The following RYR3 variants were observed in gnomAD, a reference collection of about 807,000 sequenced individuals.
The protein encoded by RYR3 is brain ryanodine receptor-calcium release channel.
A neutral mutation model predicts 584.3 loss-of-function variants in RYR3; 207 were observed. The ratio of observed to expected loss-of-function variants is 0.35; its 90% CI spans 0.32 to 0.40. The LOEUF (loss-of-function observed/expected upper bound fraction) is 0.40, where lower values mean the gene tolerates loss of function less well. Among genes scored for constraint, RYR3 ranks in the 10% least tolerant of loss-of-function variants. The pLI, the probability that RYR3 is intolerant of heterozygous loss-of-function variation, is 1.00. For synonymous variants in RYR3, 2,416 were observed against 2,248.5 expected, an observed-to-expected ratio of 1.07 and a Z score of -2.11; for missense variants, 5,616 against 6,089.2, an observed-to-expected ratio of 0.92 and a Z score of 2.59.
At chr15:33,547,558 A>G (rs2056340243) in intron 8 of RYR3, among the ~76,000 whole-genome samples, 1 of 152,204 alleles carries the variant, frequency 6.6e-6, no homozygotes, top group African/African-American at 2.4e-5. Flanking sequence ...TTCTAAAATA[A>G]AAATTTTATT....
intron 1 of RYR3, among the ~76,000 whole-genome samples, chr15:33,373,345 C>T (rs1294006616): frequency 1.3e-5 from 2 of 152,206 alleles, no homozygotes; most frequent in African/African-American, 2.4e-5. Context: ...TCCTAATTCA[C>T]CTACCAGATG....
At chr15:33,859,780 T>G (rs2080132655) in intron 100 of RYR3, 49 bp downstream of exon 100, 1 of 1,536,580 alleles carries the variant, frequency 6.5e-7, no homozygotes, top group Non-Finnish European at 8.8e-7. Flanking sequence ...ATCTAGTTCT[T>G]TTTGCTTTCT....
intron 1 of RYR3, among the ~76,000 whole-genome samples, chr15:33,335,052 A>C (rs983276015): frequency 5.3e-5 from 8 of 152,236 alleles, no homozygotes; most frequent in African/African-American, 1.9e-4. Context: ...GGTTGTGAAG[A>C]AAAAGGAACA....
intron 2 of RYR3, among the ~76,000 whole-genome samples, chr15:33,495,904 G>A (rs561441832): frequency 2.0e-5 from 3 of 152,258 alleles, no homozygotes; most frequent in South Asian, 2.1e-4. Context: ...ATGTGTTATC[G>A]ATAATTGATT....
chr15:33,488,905 T>G (rs1363860978), intron 2 of RYR3, among the ~76,000 whole-genome samples: 2 of 152,158 alleles, frequency 1.3e-5, no homozygotes, highest in Non-Finnish European at 2.9e-5. Context: ...TCTGTCATCT[T>G]GATTCTTCAT....
At chr15:33,605,658 A>G (rs2059869842) in intron 18 of RYR3, among the ~76,000 whole-genome samples, 1 of 152,230 alleles carries the variant, frequency 6.6e-6, no homozygotes, top group African/African-American at 2.4e-5. Flanking sequence ...GGGTCTGGGC[A>G]TCATTCTGAC....
At chr15:33,632,763 A>T (rs780972104) in intron 23 of RYR3, among the ~76,000 whole-genome samples, 186 bp from the exon 24 acceptor site, 1 of 152,158 alleles carries the variant, frequency 6.6e-6, no homozygotes, top group Non-Finnish European at 1.5e-5. Flanking sequence ...GGGAAGAAGG[A>T]TGGTAGATTG....
At position 33,757,605 on chromosome 15, in the gene RYR3, A is replaced by C; in HGVS notation, c.8705+9A>C. 6.2e-7 allele frequency: 1 copy of C among 1,608,390 alleles called. No homozygotes were observed. Among genetic ancestry groups the C allele is most frequent in the Non-Finnish European group, 8.5e-7 (1 of 1,177,586 alleles). On this transcript the variant is annotated intron_variant, in intron 60 of 103. Transcript: ENST00000634891. Reference sequence around the variant, plus strand: ...AAAGAAATGGTGGCCGGGTGAGTCTACAAGATAAAGGGAAGGTGATGGTGC... The same window carrying C: ...AAAGAAATGGTGGCCGGGTGAGTCTCCAAGATAAAGGGAAGGTGATGGTGC...
Position 33,755,089 on chromosome 15 carries a change from T to C in RYR3, c.8424T>C (p.Asp2808=). The C allele has an allele frequency of 6.2e-7, 1 of 1,610,910 alleles. No homozygotes were observed. Among genetic ancestry groups the C allele is most frequent in the Non-Finnish European group, 8.5e-7 (1 of 1,177,498 alleles). The change falls in exon 58 of 104, where the codon GAT becomes GAC. Residue 2808 remains aspartate, a synonymous_variant. Transcript: ENST00000634891. ...GGGGTATGAAGGATATGGAGCTGGA[T>C]GCCTCCTCCATGGAGAAGAGGTTTG... is the stretch of plus-strand genomic sequence containing the variant. ...VSRGMKDMEL[D]ASSMEKRFAY...
chr15:33,522,783 A>T (rs549710575), intron 3 of RYR3, among the ~76,000 whole-genome samples: 1 of 152,200 alleles, frequency 6.6e-6, no homozygotes, highest in East Asian at 1.9e-4. Context: ...CTGTTGCCTC[A>T]TTCTCTGGCT....
At position 33,697,821 on chromosome 15, in the gene RYR3, C is replaced by G; in HGVS notation, c.6135-61C>G. 4.7e-6 allele frequency: 5 copies of G among 1,056,536 alleles called. No homozygotes were observed. The South Asian group carries it at 6.4e-5, about 14-fold the overall frequency. The allele number at this position is 1,056,536 out of a possible 1,614,324, so 65.4% of individuals were successfully genotyped here. A position where few individuals can be genotyped will look rare whatever the true frequency, so the allele number is the denominator to read the frequency against. On this transcript the variant is annotated intron_variant, in intron 39 of 103. Coordinates refer to ENST00000634891, the MANE Select transcript of RYR3 (RefSeq NM_001036.6). ...CTCGTGTGTTTGTGTGTTCTCATCC[C>G]TGAATTTTCATAGCATATAAATAAG...
chr15:33,495,793 G>A (rs1005667774), intron 2 of RYR3, among the ~76,000 whole-genome samples: 6 of 152,170 alleles, frequency 3.9e-5, no homozygotes, highest in African/African-American at 1.2e-4. Context: ...GGCTTAAAAA[G>A]CATTTAACTG....
intron 65 of RYR3, among the ~76,000 whole-genome samples, chr15:33,781,863 G>A (rs912829688): frequency 1.3e-5 from 2 of 151,686 alleles, no homozygotes; most frequent in African/African-American, 2.4e-5. Context: ...AAAAAAAGGG[G>A]GGGGGGATTT....
intron 27 of RYR3, 114 bp downstream of exon 27, chr15:33,636,664 T>A: frequency 1.1e-6 from 1 of 940,302 alleles, no homozygotes; most frequent in Non-Finnish European, 1.6e-6. Context: ...TTTGCATATT[T>A]GAAAACCCTA....
chr15:33,471,590 T>G (rs1316459571), intron 1 of RYR3, among the ~76,000 whole-genome samples: 1 of 77,276 alleles, frequency 1.3e-5, no homozygotes, highest in African/African-American at 7.1e-5. Context: ...CTTTCATGCC[T>G]TTGTAAAAAA....
In RYR3 at chr15:33,554,041, C is replaced by T. The variant is rs569842170; in HGVS notation, c.972+3725C>T. ...CCCCTCTGCACTCTACCACAGTGAG[C>T]GCCTTCTCATGCTTTCAGGCGAGTG... On this transcript the variant is annotated intron_variant, in intron 10 of 103. Transcript: ENST00000634891. 1.7e-4 allele frequency among the ~76,000 whole-genome samples: 26 copies of T among 152,288 alleles called. No individual in the cohort carries two copies. The South Asian group carries it at 2.7e-3, about 16-fold the overall frequency.
chr15:33,635,882 TC>T lies in RYR3; in HGVS notation c.3381+64del. On this transcript the variant is annotated intron_variant, in intron 26 of 103. Transcript: ENST00000634891. ...CAAGTTTTCCTTCTCCAAACATTTT[TC>T]TGGAAGCTCAAATTACTGGATCTCT... The T allele has an allele frequency of 2.1e-6, 3 of 1,417,200 alleles. No homozygotes were observed. In the South Asian group the frequency reaches 3.7e-5, roughly 17 times the overall value. 87.8% of individuals were successfully genotyped at this position (1,417,200 alleles called of 1,614,324 possible).
chr15:33,535,615 A>T (rs2055260917), intron 5 of RYR3, among the ~76,000 whole-genome samples: 1 of 152,252 alleles, frequency 6.6e-6, no homozygotes, highest in African/African-American at 2.4e-5. Flanking sequence ...GAAAAGTCAA[A>T]TATGGTCACT....
At chr15:33,577,149 T>C (rs2058340935) in intron 12 of RYR3, among the ~76,000 whole-genome samples, 1 of 152,206 alleles carries the variant, frequency 6.6e-6, no homozygotes, top group African/African-American at 2.4e-5. Context: ...CACTCCATGC[T>C]CATGGATAGG....
Sources: allele counts gnomAD v4.1 joint callset (sites outside exome capture counted in the v4.1 genomes callset), GRCh38; gene constraint gnomAD v4.1.1; transcripts MANE v1.5; gene names NCBI Gene and HGNC (gene_info 2026-07-23, HGNC 2026-07-21).